Variants in CLIC5 observed in about 807,000 individuals in gnomAD.
CLIC5 encodes the protein chloride intracellular channel protein 5.
CLIC5 carries 20 observed loss-of-function variants against 24.7 expected under a neutral mutation model. The observed-to-expected ratio is 0.81, with a 90% CI of 0.57 to 1.18. The LOEUF (loss-of-function observed/expected upper bound fraction) is 1.18, where lower values mean the gene tolerates loss of function less well. Ranked by LOEUF, CLIC5 falls within the 50% of genes most tolerant of loss-of-function variation. The pLI is 0.00. For missense variants in CLIC5, 341 were observed against 326.1 expected (o/e 1.05, Z -0.35); for synonymous variants, 159 against 135.6 (o/e 1.17, Z -1.20).
At chr6:45,929,433 A>G (rs2127348073) in intron 4 of CLIC5, among the ~76,000 whole-genome samples, 1 of 152,322 alleles carries the variant, frequency 6.6e-6, no homozygotes, top group African/African-American at 2.4e-5. Flanking sequence ...CACCGAGCCT[A>G]GGTTATTTGT....
chr6:45,908,373 A>G lies in CLIC5; in HGVS notation c.589-5118T>C, dbSNP rs567493017. Among the ~76,000 whole-genome samples, 614 of 152,150 alleles carry G rather than the reference A, an allele frequency of 4.0e-3. 1 individual carries two copies. Among genetic ancestry groups the G allele is most frequent in the Non-Finnish European group, 7.1e-3 (480 of 67,974 alleles). On this transcript the variant is annotated intron_variant, in intron 5 of 5. Transcript: ENST00000339561. ...CTCTAGGTGTGATGTTACTTTGTCA[A>G]TTTGAGATCTTTCTAACTTTTTGAG...
rs1179160934 is a variant in CLIC5, at chr6:46,000,030, G to A, written c.63+15450C>T. ...CTCCCAAAGTGCTGGGATTACAGGC[G>A]TGAGCCACCGCGCCCGGCCTTCCTT... On this transcript the variant is annotated intron_variant, in intron 1 of 5. Transcript: ENST00000339561. 3.5e-4 allele frequency among the ~76,000 whole-genome samples: 9 copies of A among 25,696 alleles called. 3 individuals are homozygous for A. Among genetic ancestry groups the A allele is most frequent in the African/African-American group, 8.7e-4 (5 of 5,754 alleles). 16.9% of individuals were successfully genotyped at this position (25,696 alleles called of 152,430 possible).
intron 1 of CLIC5, among the ~76,000 whole-genome samples, chr6:45,974,156 A>C (rs35958043): frequency 6.6e-6 from 1 of 151,496 alleles, no homozygotes; most frequent in East Asian, 1.9e-4. Flanking sequence ...AGAGAGGAGA[A>C]ATATATATAG....
chr6:45,913,153 GTATT>G (rs910572974), intron 5 of CLIC5, among the ~76,000 whole-genome samples: 1 of 152,228 alleles, frequency 6.6e-6, no homozygotes, highest in Non-Finnish European at 1.5e-5. Flanking sequence ...CAATCAATGA[GTATT>G]TATTGAATGG....
intron 1 of CLIC5, among the ~76,000 whole-genome samples, chr6:46,048,247 C>T (rs1027040674): frequency 2.0e-5 from 3 of 152,188 alleles, no homozygotes; most frequent in African/African-American, 7.2e-5. Flanking sequence ...AAGTGATCCA[C>T]CCACCTGGGC....
chr6:46,084,085 C>G (rs1212739017), upstream of CLIC5, among the ~76,000 whole-genome samples: 4 of 152,078 alleles, frequency 2.6e-5, no homozygotes, highest in East Asian at 5.8e-4. Context: ...TTATCAGAGA[C>G]TAGGATTGCA....
rs182260910 is a variant in CLIC5 at position 45,934,034 on chromosome 6, C to A, written c.406+7513G>T. Among the ~76,000 whole-genome samples the A allele has an allele frequency of 1.4e-4, 21 of 152,296 alleles. 1 individual carries two copies. The East Asian group carries it at 1.9e-3, about 14-fold the overall frequency. The stretch of plus-strand genomic sequence containing the variant: ...GGAAACCACAGCTCCTCCGTGCCTG[C>A]GGCTCACAGCAGGAATATTTGTTAT... On this transcript the variant is annotated intron_variant, in intron 4 of 5. Coordinates refer to ENST00000339561, the MANE Select transcript of CLIC5 (RefSeq NM_016929.5).
At chr6:45,935,301 G>C (rs1442560488) in intron 4 of CLIC5, among the ~76,000 whole-genome samples, 1 of 152,202 alleles carries the variant, frequency 6.6e-6, no homozygotes, top group Non-Finnish European at 1.5e-5. Context: ...GCGGGGAGGG[G>C]TGTTTCACAG....
At chr6:46,121,216 G>A in the CLIC5 span, among the ~76,000 whole-genome samples, 1 of 152,334 alleles carries the variant, frequency 6.6e-6, no homozygotes, top group South Asian at 2.1e-4. Flanking sequence ...AAGCCCATCA[G>A]ACTAACAGCT....
chr6:45,888,762 AG>A (rs1232197673), intron 6 of CLIC5, among the ~76,000 whole-genome samples: 1 of 152,210 alleles, frequency 6.6e-6, no homozygotes, highest in African/African-American at 2.4e-5. Flanking sequence ...CATCCTTCCC[AG>A]CAAGGAATGT....
chr6:46,027,240 G>A (rs1274746252), intron 1 of CLIC5, among the ~76,000 whole-genome samples: 2 of 152,214 alleles, frequency 1.3e-5, no homozygotes, highest in African/African-American at 4.8e-5. Flanking sequence ...GAAGCCTCCT[G>A]CACAGAGTTC....
At chr6:46,004,632 GAC>G (rs1187672230) in intron 1 of CLIC5, among the ~76,000 whole-genome samples, 1 of 152,180 alleles carries the variant, frequency 6.6e-6, no homozygotes, top group African/African-American at 2.4e-5. Context: ...GGCAGTGCCT[GAC>G]ATCTGAACAG....
At chr6:46,063,853 TA>T (rs1762362082) in intron 1 of CLIC5, among the ~76,000 whole-genome samples, 1 of 152,164 alleles carries the variant, frequency 6.6e-6, no homozygotes, top group Non-Finnish European at 1.5e-5. Flanking sequence ...CTACAAAGCT[TA>T]AAAGCAAGGC....
At chr6:45,991,897 A>G (rs912740805) in intron 1 of CLIC5, among the ~76,000 whole-genome samples, 1 of 152,202 alleles carries the variant, frequency 6.6e-6, no homozygotes, top group Non-Finnish European at 1.5e-5. Flanking sequence ...CAAGATTTTT[A>G]AAAAATTAGA....
chr6:45,896,058 T>C (rs1762390277), downstream of CLIC5, among the ~76,000 whole-genome samples: 1 of 152,230 alleles, frequency 6.6e-6, no homozygotes, highest in South Asian at 2.1e-4. Flanking sequence ...TAAATGCAGC[T>C]GAATGAACCC....
Position 45,914,242 on chromosome 6 carries a change from G to A in CLIC5, c.574C>T (p.Leu192Phe), listed in dbSNP as rs779446382. 2.5e-6 allele frequency: 4 copies of A among 1,597,924 alleles called. No homozygotes were observed. Among genetic ancestry groups the A allele is most frequent in the Non-Finnish European group, 3.4e-6 (4 of 1,168,658 alleles). ...AGCTCTCTTACCTTGACCACATGGA[G>A]CTTGGGCAACAGATTGCAGTCAGCC... The part of the protein sequence containing the change: ...TLADCNLLPK[L>F]HVVKIVAKKY... Residue 192 changes from leucine to phenylalanine, a missense_variant, in exon 5 of 6, where the codon CTC (leucine) becomes TTC (phenylalanine). Coordinates refer to ENST00000339561, the MANE Select transcript of CLIC5 (RefSeq NM_016929.5).
At chr6:45,904,381 T>C (rs963056459) in intron 5 of CLIC5, among the ~76,000 whole-genome samples, 4 of 151,998 alleles carry the variant, frequency 2.6e-5, no homozygotes, top group Non-Finnish European at 5.9e-5. Flanking sequence ...GTTTCTTTAA[T>C]GAGGTCTCTC....
intron 5 of CLIC5, among the ~76,000 whole-genome samples, chr6:45,913,346 G>GA (rs1291764871): frequency 3.3e-5 from 5 of 152,184 alleles, no homozygotes; most frequent in African/African-American, 1.2e-4. Context: ...AGCTTAGGGG[G>GA]ATACAACTAC....
chr6:46,015,723 GATGCTCAC>G lies in CLIC5; in HGVS notation c.-189_-182del. On this transcript the variant is annotated 5_prime_UTR_variant, in exon 1 of 6. It removes an upstream start codon present in the reference 5' UTR. Coordinates refer to ENST00000339561, the MANE Select transcript of CLIC5 (RefSeq NM_016929.5). ...CGGGGTCTGAGAGATCAGTGTCCCA[GATGCTCAC>G]ATGAAAAGGAGCGAAGCCGGGAGGA... is the stretch of plus-strand genomic sequence containing the variant. 1 of 1,254,144 alleles carries G rather than the reference GATGCTCAC, an allele frequency of 8.0e-7. No homozygotes were observed. Among genetic ancestry groups the G allele is most frequent in the East Asian group, 3.2e-5 (1 of 31,692 alleles). 77.7% of individuals were successfully genotyped at this position (1,254,144 alleles called of 1,614,324 possible). A position where few individuals can be genotyped will look rare whatever the true frequency, so the allele number is the denominator to read the frequency against.
Sources: gnomAD v4.1 joint callset for allele counts (sites outside exome capture counted in the v4.1 genomes callset) on GRCh38, gnomAD v4.1.1 for gene constraint, MANE v1.5 for transcripts, NCBI Gene and HGNC (gene_info 2026-07-23, HGNC 2026-07-21) for gene names.